The following DPYD variants were observed in gnomAD, a reference collection of about 807,000 sequenced individuals.
DPYD encodes the protein dihydropyrimidine dehydrogenase, also known as dihydropyrimidine dehydrogenase [NADP(+)].
Under a neutral mutation model 116.2 loss-of-function variants are expected in DPYD, and 109 were observed. The ratio of observed to expected loss-of-function variants is 0.94; its 90% CI spans 0.80 to 1.10. The LOEUF (loss-of-function observed/expected upper bound fraction) is 1.10, where lower values mean the gene tolerates loss of function less well. Among genes scored for constraint, DPYD ranks in the 50% least tolerant of loss-of-function variants. The pLI is 0.00. For missense variants in DPYD, 1,302 were observed against 1,254.5 expected (o/e 1.04, Z -0.57); for synonymous variants, 440 against 432.0 (o/e 1.02, Z -0.23).
intron 8 of DPYD, among the ~76,000 whole-genome samples, chr1:97,631,304 A>G (rs1426276034): frequency 6.6e-6 from 1 of 152,096 alleles, no homozygotes; most frequent in Non-Finnish European, 1.5e-5. Flanking sequence ...GCCAGCCACA[A>G]TCAGGCTGGC....
rs186545914 is a variant in DPYD at position 97,574,243 on chromosome 1, G to T, written c.1129-273C>A. On this transcript the variant is annotated intron_variant, in intron 10 of 22. Transcript: ENST00000370192. ...TTAAGTACTGCATGCTCTACATTTG[G>T]TAGTTTGTGAGGTTTCTGACCATAG... Among the ~76,000 whole-genome samples the T allele has an allele frequency of 2.1e-3, 318 of 152,176 alleles. 1 individual carries two copies. The highest frequency in any genetic ancestry group is 0.021 in the South Asian group (99 of 4,818).
intron 12 of DPYD, among the ~76,000 whole-genome samples, chr1:97,547,690 T>C (rs1651007035): frequency 6.6e-6 from 1 of 152,150 alleles, no homozygotes. Flanking sequence ...TTGTTGTTGT[T>C]GTTGTTTAAA....
chr1:97,352,636 CA>C (rs764465932), intron 16 of DPYD, among the ~76,000 whole-genome samples: 1 of 148,990 alleles, frequency 6.7e-6, no homozygotes, highest in African/African-American at 2.5e-5. Context: ...ACACTGTTTT[CA>C]AAAAAAACTA....
At chr1:97,450,952 A>G (rs1676382308) in intron 13 of DPYD, among the ~76,000 whole-genome samples, 1 of 152,152 alleles carries the variant, frequency 6.6e-6, no homozygotes, top group East Asian at 1.9e-4. Context: ...ACATTCTTCC[A>G]TTACTTAAAA....
chr1:97,526,880 A>C (rs1649140663), intron 12 of DPYD, among the ~76,000 whole-genome samples: 2 of 152,182 alleles, frequency 1.3e-5, no homozygotes, highest in Admixed American at 1.3e-4. Flanking sequence ...GTCCATTTGC[A>C]AGTAATATTT....
At chr1:97,326,922 A>C (rs78561291) in intron 16 of DPYD, among the ~76,000 whole-genome samples, 2 of 152,052 alleles carry the variant, frequency 1.3e-5, no homozygotes, top group Non-Finnish European at 2.9e-5. Flanking sequence ...TGACATGATG[A>C]AAGAGATCAT....
chr1:97,538,332 G>A (rs558991385), intron 12 of DPYD, among the ~76,000 whole-genome samples: 1 of 152,252 alleles, frequency 6.6e-6, no homozygotes, highest in Non-Finnish European at 1.5e-5. Context: ...GTCTCCACTA[G>A]GTCTTGAAAT....
intron 11 of DPYD, among the ~76,000 whole-genome samples, chr1:97,568,546 G>C (rs1652687894): frequency 6.6e-6 from 1 of 152,000 alleles, no homozygotes; most frequent in Admixed American, 6.6e-5. Flanking sequence ...AGCTGGGGCA[G>C]CCTGGCTCCA....
chr1:97,710,671 A>C (rs1341369172), intron 5 of DPYD, among the ~76,000 whole-genome samples: 1 of 151,746 alleles, frequency 6.6e-6, no homozygotes, highest in Non-Finnish European at 1.5e-5. Flanking sequence ...TTTCCTTTTC[A>C]ATTTGGTAGG....
At chr1:97,488,765 C>A (rs1468890662) in intron 13 of DPYD, among the ~76,000 whole-genome samples, 2 of 152,198 alleles carry the variant, frequency 1.3e-5, no homozygotes, top group African/African-American at 4.8e-5. Flanking sequence ...AGGTTACCGC[C>A]CCTTTCCATG....
chr1:97,153,111 G>T (rs1655154553), intron 20 of DPYD, among the ~76,000 whole-genome samples: 1 of 151,992 alleles, frequency 6.6e-6, no homozygotes, highest in South Asian at 2.1e-4. Flanking sequence ...GCATTCTTTG[G>T]TCAAGGCAAA....
Position 97,530,439 on chromosome 1 carries a change from G to C in DPYD, c.1525-14498C>G, listed in dbSNP as rs569560934. ...TCACCATGTTAGCCAGGATGGTCTC[G>C]ATCTCCTGACCTCGTGATCCGCCCG... On this transcript the variant is annotated intron_variant, in intron 12 of 22. Coordinates refer to ENST00000370192, the MANE Select transcript of DPYD (RefSeq NM_000110.4). 1.6e-3 allele frequency among the ~76,000 whole-genome samples: 243 copies of C among 151,756 alleles called. 2 individuals carry two copies. Among genetic ancestry groups the C allele is most frequent in the Non-Finnish European group, 3.1e-3 (208 of 67,896 alleles).
At position 97,573,861 on chromosome 1, in the gene DPYD, T is replaced by A. The variant is rs889767479; in HGVS notation, c.1238A>T (p.Gln413Leu). ...TTCATTCCATTTTCCAGTTTCATCT[T>A]GCTCTGTCCGAACAAACTGCATAGC... ...IVAMQFVRTE[Q>L]DETGKWNEDE... The change falls in exon 11 of 23, where the codon CAA becomes CTA. Residue 413 changes from glutamine to leucine, a missense_variant. Coordinates refer to ENST00000370192, the MANE Select transcript of DPYD (RefSeq NM_000110.4). 2 of 1,613,676 alleles carry A rather than the reference T, an allele frequency of 1.2e-6. No individual in the cohort carries two copies. The highest frequency in any genetic ancestry group is 2.7e-5 in the African/African-American group (2 of 74,902).
chr1:97,329,311 A>G (rs1668860860), intron 16 of DPYD, among the ~76,000 whole-genome samples: 1 of 152,198 alleles, frequency 6.6e-6, no homozygotes. Context: ...TTACAAGCAT[A>G]TTCAAAATAA....
intron 12 of DPYD, among the ~76,000 whole-genome samples, chr1:97,547,865 A>G (rs748433718): frequency 1.3e-5 from 2 of 152,024 alleles, no homozygotes; most frequent in Non-Finnish European, 1.5e-5. Flanking sequence ...TGGCCCAACA[A>G]CTCAAGCCCC....
intron 14 of DPYD, among the ~76,000 whole-genome samples, chr1:97,386,184 T>C (rs750884975): frequency 1.3e-5 from 2 of 152,116 alleles, no homozygotes. Context: ...TCTATCTTCT[T>C]GCCCAGAAAG....
chr1:97,452,240 C>T (rs1676456716), intron 13 of DPYD, among the ~76,000 whole-genome samples: 1 of 152,110 alleles, frequency 6.6e-6, no homozygotes, highest in African/African-American at 2.4e-5. Flanking sequence ...ACAATATATA[C>T]CTTCCTCAAT....
chr1:97,711,560 A>G (rs1247872702), intron 5 of DPYD, among the ~76,000 whole-genome samples: 2 of 151,968 alleles, frequency 1.3e-5, no homozygotes, highest in African/African-American at 4.8e-5. Flanking sequence ...ACTGTTTTTT[A>G]GTACATGGTC....
At chr1:97,618,446 G>A (rs902056311) in intron 8 of DPYD, among the ~76,000 whole-genome samples, 3 of 150,462 alleles carry the variant, frequency 2.0e-5, no homozygotes, top group Admixed American at 6.6e-5. Context: ...CATGATCTCG[G>A]TTCACTGCAA....
Sources: gnomAD v4.1 joint callset for allele counts (sites outside exome capture counted in the v4.1 genomes callset) on GRCh38, gnomAD v4.1.1 for gene constraint, MANE v1.5 for transcripts, NCBI Gene and HGNC (gene_info 2026-07-23, HGNC 2026-07-21) for gene names.